SPOCK3: variants seen among roughly 807,000 people sequenced by gnomAD.
The protein encoded by SPOCK3 is SPARC (osteonectin), cwcv and kazal like domains proteoglycan 3, also known as testican-3.
In SPOCK3, 30 loss-of-function variants were observed where a neutral mutation model predicts 56.6. The observed-to-expected ratio is 0.53, with a 90% confidence interval of 0.40 to 0.72. The LOEUF (loss-of-function observed/expected upper bound fraction) is 0.72. Among genes scored for constraint, SPOCK3 ranks in the 30% least tolerant of loss-of-function variants. The probability of loss-of-function intolerance (pLI) is 0.00; values close to 1 mark genes in which losing one functional copy is unlikely to be tolerated. For missense variants in SPOCK3, 527 were observed against 530.0 expected (o/e 0.99, Z 0.06); for synonymous variants, 196 against 183.3 (o/e 1.07, Z -0.56).
intron 2 of SPOCK3, among the ~76,000 whole-genome samples, chr4:167,202,788 T>A (rs931599972): frequency 7.9e-5 from 12 of 151,768 alleles, no homozygotes; most frequent in Admixed American, 2.6e-4. Flanking sequence ...ATTGCTTTTT[T>A]TCCCCTATTC....
intron 2 of SPOCK3, among the ~76,000 whole-genome samples, chr4:167,072,117 C>T (rs1756742632): frequency 6.6e-6 from 1 of 151,970 alleles, no homozygotes; most frequent in African/African-American, 2.4e-5. Flanking sequence ...TCTATCACTC[C>T]CATTGTACAG....
intron 6 of SPOCK3, among the ~76,000 whole-genome samples, chr4:166,838,051 TTTCC>T (rs1473261727): frequency 6.6e-6 from 1 of 152,188 alleles, no homozygotes; most frequent in Non-Finnish European, 1.5e-5. Context: ...ACAAATTGTT[TTTCC>T]TTTATAGATA....
At chr4:167,059,361 C>G (rs545545720) in intron 3 of SPOCK3, among the ~76,000 whole-genome samples, 2 of 152,254 alleles carry the variant, frequency 1.3e-5, no homozygotes, top group African/African-American at 4.8e-5. Flanking sequence ...AGACACTTCT[C>G]AAAAGAAGAC....
At chr4:166,791,170 T>C (rs900717539) in intron 7 of SPOCK3, among the ~76,000 whole-genome samples, 2 of 152,230 alleles carry the variant, frequency 1.3e-5, no homozygotes, top group African/African-American at 4.8e-5. Flanking sequence ...ATGGCTTAAT[T>C]GCACTTCTGC....
At chr4:167,129,114 C>T (rs771383543) in intron 2 of SPOCK3, among the ~76,000 whole-genome samples, 1 of 152,160 alleles carries the variant, frequency 6.6e-6, no homozygotes, top group Non-Finnish European at 1.5e-5. Context: ...TGGTTCTCAA[C>T]GTACTGCCTT....
chr4:166,851,009 G>C (rs893512985), intron 6 of SPOCK3, among the ~76,000 whole-genome samples: 3 of 152,210 alleles, frequency 2.0e-5, no homozygotes, highest in Non-Finnish European at 2.9e-5. Context: ...TCCACCTCTG[G>C]GGGCAGGGCA....
intron 2 of SPOCK3, among the ~76,000 whole-genome samples, chr4:167,224,198 T>C (rs564135402): frequency 6.6e-6 from 1 of 152,290 alleles, no homozygotes; most frequent in East Asian, 1.9e-4. Flanking sequence ...CTTTGTCATC[T>C]TGCTTACTAT....
intron 3 of SPOCK3, among the ~76,000 whole-genome samples, chr4:167,030,206 A>G (rs774842186): frequency 6.6e-6 from 1 of 152,030 alleles, no homozygotes; most frequent in African/African-American, 2.4e-5. Context: ...AGAGGCAGAG[A>G]GTAATTATTT....
chr4:167,111,791 A>G (rs1580331745), intron 2 of SPOCK3, among the ~76,000 whole-genome samples: 1 of 150,820 alleles, frequency 6.6e-6, no homozygotes, highest in East Asian at 2.0e-4. Flanking sequence ...AAGGTCTTGC[A>G]CTGTTGCCCA....
intron 2 of SPOCK3, among the ~76,000 whole-genome samples, chr4:167,066,034 C>T (rs1756094814): frequency 1.3e-5 from 2 of 151,904 alleles, no homozygotes; most frequent in African/African-American, 4.8e-5. Context: ...CCACTGCCTA[C>T]TTCTTGTACT....
At chr4:167,110,479 C>A (rs940696900) in intron 2 of SPOCK3, among the ~76,000 whole-genome samples, 7 of 151,974 alleles carry the variant, frequency 4.6e-5, no homozygotes, top group African/African-American at 1.7e-4. Context: ...ATTCCTGTCT[C>A]TGAACTTATT....
intron 9 of SPOCK3, among the ~76,000 whole-genome samples, chr4:166,741,642 T>C (rs985895864): frequency 6.6e-6 from 1 of 152,188 alleles, no homozygotes; most frequent in Non-Finnish European, 1.5e-5. Flanking sequence ...TAAAACTACA[T>C]GCTTTAAATA....
At chr4:166,885,897 A>T (rs1560972380) in intron 6 of SPOCK3, among the ~76,000 whole-genome samples, 1 of 152,152 alleles carries the variant, frequency 6.6e-6, no homozygotes, top group Non-Finnish European at 1.5e-5. Context: ...CAGTGAAATG[A>T]GTAAACCAAT....
intron 2 of SPOCK3, among the ~76,000 whole-genome samples, chr4:167,203,376 A>T (rs1274770090): frequency 6.6e-6 from 1 of 151,934 alleles, no homozygotes; most frequent in African/African-American, 2.4e-5. Flanking sequence ...ATTGTGGTAG[A>T]GACTTTTGGA....
intron 6 of SPOCK3, among the ~76,000 whole-genome samples, chr4:166,883,425 A>G (rs1306926446): frequency 6.6e-6 from 1 of 152,242 alleles, no homozygotes; most frequent in Non-Finnish European, 1.5e-5. Flanking sequence ...ACATCCATTT[A>G]CAAATAATAC....
chr4:166,956,865 A>G (rs919036488), intron 4 of SPOCK3, among the ~76,000 whole-genome samples: 6 of 152,150 alleles, frequency 3.9e-5, no homozygotes, highest in South Asian at 4.1e-4. Flanking sequence ...ACTCTCCTGC[A>G]AACATTCTCA....
chr4:167,121,209 G>C (rs1389611050), intron 2 of SPOCK3, among the ~76,000 whole-genome samples: 1 of 151,430 alleles, frequency 6.6e-6, no homozygotes, highest in Admixed American at 6.6e-5. Flanking sequence ...GATCAGAGCA[G>C]TTCCAGGATA....
chr4:167,154,027 G>A (rs1257551716), intron 2 of SPOCK3, among the ~76,000 whole-genome samples: 1 of 151,982 alleles, frequency 6.6e-6, no homozygotes, highest in African/African-American at 2.4e-5. Context: ...TGCTCTCTCT[G>A]TTAAGGATCA....
chr4:166,979,108 C>T (rs565374031), intron 4 of SPOCK3, among the ~76,000 whole-genome samples: 1 of 152,176 alleles, frequency 6.6e-6, no homozygotes, highest in East Asian at 1.9e-4. Context: ...TATAAGTTTC[C>T]TGGAAAAAAA....
Sources: gnomAD v4.1 joint callset for allele counts (sites outside exome capture counted in the v4.1 genomes callset) on GRCh38, gnomAD v4.1.1 for gene constraint, MANE v1.5 for transcripts, NCBI Gene and HGNC (gene_info 2026-07-23, HGNC 2026-07-21) for gene names.